The following SERINC2 variants were observed in gnomAD, a reference collection of about 807,000 sequenced individuals.
SERINC2 encodes tumor differentially expressed protein 2.
A neutral mutation model predicts 54.2 loss-of-function variants in SERINC2; 56 were observed. That is an observed-to-expected ratio of 1.03 (90% confidence interval 0.83 to 1.29). SERINC2 has a LOEUF of 1.29. SERINC2 is among the 50% of genes most tolerant of loss of function. SERINC2 has a pLI of 0.00. For synonymous variants in SERINC2, 272 were observed against 253.1 expected (o/e 1.07, Z -0.71); for missense variants, 614 against 607.4 (o/e 1.01, Z -0.12).
At chr1:31,428,678 A>G (rs888578681) in intron 6 of SERINC2, among the ~76,000 whole-genome samples, 1 of 152,110 alleles carries the variant, frequency 6.6e-6, no homozygotes, top group African/African-American at 2.4e-5. Flanking sequence ...GACGGAGAGC[A>G]GGGAGGAGGG....
chr1:31,422,922 G>C (rs1640937276), intron 1 of SERINC2, among the ~76,000 whole-genome samples: 2 of 152,196 alleles, frequency 1.3e-5, no homozygotes, highest in African/African-American at 4.8e-5. Flanking sequence ...GCCACCTGCT[G>C]TCTAGTGCTG....
At chr1:31,420,933 C>T (rs1435838547) in intron 1 of SERINC2, among the ~76,000 whole-genome samples, 4 of 152,138 alleles carry the variant, frequency 2.6e-5, no homozygotes, top group East Asian at 1.9e-4. Context: ...TCAATTTCCA[C>T]GTCTGTAAAA....
intron 8 of SERINC2, among the ~76,000 whole-genome samples, chr1:31,431,798 G>C (rs1553134515): frequency 1.4e-5 from 2 of 140,366 alleles, no homozygotes; most frequent in African/African-American, 5.4e-5. Context: ...AGGGTGGATA[G>C]GGTGGACAGG....
At position 31,413,587 on chromosome 1, in the gene SERINC2, G is replaced by C. The variant is rs2148509655; in HGVS notation, c.39+283G>C. ...GAGTGCCCTCGGCGGGCGCCCTCCTGGGACCTGGAGAGACTAAGCCTGGAG... is the reference window on the plus strand; with the variant it reads ...GAGTGCCCTCGGCGGGCGCCCTCCTCGGACCTGGAGAGACTAAGCCTGGAG... On this transcript the variant is annotated intron_variant, in intron 1 of 9. Coordinates refer to ENST00000373709, the MANE Select transcript of SERINC2 (RefSeq NM_178865.5). The surrounding 1 kb of genome is among the most constrained non-coding windows in gnomAD (Gnocchi z 5.0). 6.6e-6 allele frequency among the ~76,000 whole-genome samples: 1 copy of C among 151,744 alleles called. No individual in the cohort carries two copies. Among genetic ancestry groups the C allele is most frequent in the Non-Finnish European group, 1.5e-5 (1 of 67,816 alleles).
chr1:31,413,311 C>T lies in SERINC2; in HGVS notation c.39+7C>T. The T allele has an allele frequency of 7.9e-7, 1 of 1,269,956 alleles. No homozygotes were observed. 78.7% of individuals were successfully genotyped at this position (1,269,956 alleles called of 1,614,324 possible). Reference sequence around the variant, plus strand: ...CTGCTCCCTGCTCAGCTGCGTGAGTCCCGACCCCGGCGCCCGCCCGCGCGC... The same window carrying T: ...CTGCTCCCTGCTCAGCTGCGTGAGTTCCGACCCCGGCGCCCGCCCGCGCGC... On this transcript the variant is annotated splice_region_variant and intron_variant, in intron 1 of 9. Transcript: ENST00000373709. This position sits in a 1 kb window ranked among gnomAD's most constrained non-coding sequence, Gnocchi z 5.0.
chr1:31,411,942 A>T (rs1363271799), upstream of SERINC2, among the ~76,000 whole-genome samples: 2 of 138,772 alleles, frequency 1.4e-5, no homozygotes, highest in East Asian at 4.7e-4. Context: ...TTGAAGCTGC[A>T]GTGAGCCATG....
intron 7 of SERINC2, 76 bp from the exon 8 acceptor site, chr1:31,429,321 C>T (rs782205584): frequency 6.6e-7 from 1 of 1,522,572 alleles, no homozygotes; most frequent in South Asian, 1.3e-5. Flanking sequence ...GGGTGGCTCT[C>T]TAGCCATCCT....
upstream of SERINC2, chr1:31,410,264 G>A: frequency 1.3e-6 from 2 of 1,489,168 alleles, no homozygotes; most frequent in Non-Finnish European, 1.8e-6. Flanking sequence ...AAATCTGGGA[G>A]TAAAGGCTGA....
intron 1 of SERINC2, chr1:31,414,503 C>G (rs1570023954): frequency 8.0e-6 from 8 of 999,994 alleles, no homozygotes; most frequent in East Asian, 2.1e-4. Context: ...AGCTGAGGGT[C>G]TAGAGATTTA....
intron 8 of SERINC2, among the ~76,000 whole-genome samples, chr1:31,432,163 G>C (rs1427501772): frequency 7.2e-6 from 1 of 138,154 alleles, no homozygotes; most frequent in African/African-American, 2.8e-5. Context: ...GGACAGGGTG[G>C]ATAGGGTGGA....
chr1:31,409,844 G>T, upstream of SERINC2: 1 of 1,557,864 alleles, frequency 6.4e-7, no homozygotes. Flanking sequence ...CCTCATGGAC[G>T]GGAGGATGGT....
chr1:31,432,787 C>T (rs2148533385), intron 8 of SERINC2, among the ~76,000 whole-genome samples, 180 bp from the exon 9 acceptor site: 1 of 152,232 alleles, frequency 6.6e-6, no homozygotes, highest in African/African-American at 2.4e-5. Flanking sequence ...AAGTGTTTTG[C>T]TCAAGGTCAC....
rs12046772 is a variant in SERINC2, at chr1:31,416,753, C to T, written c.39+3449C>T. Among the ~76,000 whole-genome samples the T allele has an allele frequency of 1.5e-3, 204 of 132,256 alleles. No individual in the cohort carries two copies. The East Asian group carries it at 0.058, about 38-fold the overall frequency. The allele number at this position is 132,256 out of a possible 152,430, so 86.8% of individuals were successfully genotyped here. On this transcript the variant is annotated intron_variant, in intron 1 of 9. Transcript: ENST00000373709. ...TTTATTTTTTTGAGATGAAGTCTTG[C>T]TCTGTTGTCCAGACTGGAGTGCAGT...
intron 9 of SERINC2, 61 bp from the exon 10 acceptor site, chr1:31,434,003 G>C: frequency 6.4e-7 from 1 of 1,572,320 alleles, no homozygotes; most frequent in Non-Finnish European, 8.7e-7. Context: ...ATAAGGCCAG[G>C]GGCCAAGATG....
intron 1 of SERINC2, among the ~76,000 whole-genome samples, chr1:31,422,068 G>A (rs1640914297): frequency 6.6e-6 from 1 of 152,160 alleles, no homozygotes; most frequent in African/African-American, 2.4e-5. Context: ...GGAGGCTGAG[G>A]TGGGCAGATT....
At chr1:31,417,526 TA>T (rs1174249807) in intron 1 of SERINC2, among the ~76,000 whole-genome samples, 2 of 152,104 alleles carry the variant, frequency 1.3e-5, no homozygotes, top group African/African-American at 4.8e-5. Flanking sequence ...CCCTCCCTTT[TA>T]AAAAAATTGA....
rs148699108 is a variant in SERINC2 at position 31,434,185 on chromosome 1, C to G, written c.1354C>G (p.Arg452Gly). The G allele has an allele frequency of 6.2e-7, 1 of 1,613,190 alleles. No homozygotes were observed. Among genetic ancestry groups the G allele is most frequent in the East Asian group, 2.2e-5 (1 of 44,886 alleles). Residue 452 changes from arginine (R) to glycine (G), a missense_variant, in exon 10 of 10, where the codon CGC becomes GGC. Physicochemically the swap from Arg to Gly is moderately radical, Grantham distance 125. Transcript: ENST00000373709. ...TLVAPLLLRN[R>G]DFS Reference sequence around the variant, plus strand: ...GGTAGCCCCACTCCTCCTGCGCAACCGCGACTTCAGCTGAGGCAGCCTCAC... The same window carrying G: ...GGTAGCCCCACTCCTCCTGCGCAACGGCGACTTCAGCTGAGGCAGCCTCAC...
At chr1:31,429,748 C>T (rs1342426509) in intron 8 of SERINC2, among the ~76,000 whole-genome samples, 3 of 152,230 alleles carry the variant, frequency 2.0e-5, no homozygotes, top group African/African-American at 7.2e-5. Context: ...TGCCTCCTGG[C>T]TCACAGCCCT....
chr1:31,421,538 C>T (rs368346622), intron 1 of SERINC2, among the ~76,000 whole-genome samples: 7 of 152,270 alleles, frequency 4.6e-5, no homozygotes, highest in African/African-American at 1.4e-4. Context: ...TCTGTGTGAA[C>T]GAGAGATAGG....
Sources: allele counts gnomAD v4.1 joint callset (sites outside exome capture counted in the v4.1 genomes callset), GRCh38; gene constraint gnomAD v4.1.1; non-coding constraint Gnocchi (gnomAD v3.1); transcripts MANE v1.5; gene names NCBI Gene and HGNC (gene_info 2026-07-23, HGNC 2026-07-21).